The following AKAP6 variants were observed in gnomAD, a reference collection of about 807,000 sequenced individuals.
AKAP6 encodes the protein A-kinase anchor protein 6.
AKAP6 carries 58 observed loss-of-function variants against 188.5 expected under a neutral mutation model. The observed-to-expected ratio is 0.31, with a 90% CI of 0.25 to 0.38. The LOEUF (loss-of-function observed/expected upper bound fraction) is 0.38, where lower values mean the gene tolerates loss of function less well. Ranked by LOEUF, AKAP6 falls within the 10% of genes least tolerant of loss-of-function variation. The pLI is 1.00. For missense variants in AKAP6, 2,710 were observed against 2,740.0 expected (o/e 0.99, Z 0.24); for synonymous variants, 989 against 998.6 (o/e 0.99, Z 0.18).
At chr14:32,558,717 A>T (rs1281214078) in intron 4 of AKAP6, among the ~76,000 whole-genome samples, 2 of 152,232 alleles carry the variant, frequency 1.3e-5, no homozygotes, top group Non-Finnish European at 2.9e-5. Flanking sequence ...TCGAGGGAAG[A>T]TAGAGGTCGT....
rs551963200 is a variant in AKAP6, at chr14:32,352,323, G to C, written c.-35+22915G>C. Among the ~76,000 whole-genome samples the C allele has an allele frequency of 1.8e-4, 27 of 151,522 alleles. 1 individual carries two copies. In the South Asian group the frequency reaches 5.4e-3, roughly 31 times the overall value. ...TATACATATTTGGGGGGTACAGTGT[G>C]ATGTTTCCGTACAAGTATGTATTTT... is the stretch of plus-strand genomic sequence containing the variant. On this transcript the variant is annotated intron_variant, in intron 1 of 13. Coordinates refer to ENST00000280979, the MANE Select transcript of AKAP6 (RefSeq NM_004274.5).
chr14:32,553,071 G>A (rs1038218769), intron 4 of AKAP6, among the ~76,000 whole-genome samples: 1 of 152,090 alleles, frequency 6.6e-6, no homozygotes. Context: ...GTAGGTTCCT[G>A]TCAGTCCCCA....
intron 12 of AKAP6, among the ~76,000 whole-genome samples, chr14:32,799,601 A>C (rs80095574): frequency 0.052 from 7,884 of 152,066 alleles, 299 homozygotes; most frequent in South Asian, 0.21. Flanking sequence ...TTTATTTCTC[A>C]ATATTTGGGA....
At chr14:32,618,300 G>C (rs528724899) in intron 7 of AKAP6, among the ~76,000 whole-genome samples, 1 of 152,218 alleles carries the variant, frequency 6.6e-6, no homozygotes, top group South Asian at 2.1e-4. Flanking sequence ...CACCAGAGTA[G>C]TATACATTGT....
At chr14:32,610,927 T>G (rs1426892448) in intron 7 of AKAP6, among the ~76,000 whole-genome samples, 1 of 152,194 alleles carries the variant, frequency 6.6e-6, no homozygotes, top group Non-Finnish European at 1.5e-5. Flanking sequence ...GTTTTACTGG[T>G]GTGCCCTGTG....
intron 2 of AKAP6, among the ~76,000 whole-genome samples, chr14:32,531,395 A>C (rs188610118): frequency 8.7e-4 from 133 of 152,318 alleles, no homozygotes; most frequent in African/African-American, 3.2e-3. Flanking sequence ...GACTTTAAAG[A>C]GTTGTGCTTT....
chr14:32,748,396 C>T (rs78562227), intron 11 of AKAP6, among the ~76,000 whole-genome samples: 2,521 of 152,136 alleles, frequency 0.017, 64 homozygotes, highest in African/African-American at 0.057. Context: ...TTAAATGAGA[C>T]AATATATAAA....
At chr14:32,761,675 T>A (rs1433099038) in intron 11 of AKAP6, among the ~76,000 whole-genome samples, 1 of 152,180 alleles carries the variant, frequency 6.6e-6, no homozygotes, top group Non-Finnish European at 1.5e-5. Context: ...TGTGTTCTCT[T>A]GCTTTCTTTC....
chr14:32,561,853 G>A (rs757495497), intron 4 of AKAP6, among the ~76,000 whole-genome samples: 9 of 152,216 alleles, frequency 5.9e-5, no homozygotes, highest in Non-Finnish European at 5.9e-5. Context: ...CATTTGCCTT[G>A]GCAGACTTGT....
rs141157896 is a variant in AKAP6 at position 32,785,228 on chromosome 14, T to A, written c.3588+11335T>A. Among the ~76,000 whole-genome samples the A allele has an allele frequency of 4.6e-3, 693 of 152,154 alleles. 6 individuals are homozygous for A. Among genetic ancestry groups the A allele is most frequent in the African/African-American group, 0.015 (626 of 41,540 alleles). ...AAAGAGTTGGATTCATCAGAAGAAA[T>A]ACATGAATAGAATTAACTATTGGTA... is the stretch of plus-strand genomic sequence containing the variant. On this transcript the variant is annotated intron_variant, in intron 12 of 13. Coordinates refer to ENST00000280979, the MANE Select transcript of AKAP6 (RefSeq NM_004274.5).
chr14:32,411,454 C>T (rs895101517), intron 1 of AKAP6, among the ~76,000 whole-genome samples: 2 of 152,092 alleles, frequency 1.3e-5, no homozygotes, highest in African/African-American at 2.4e-5. Context: ...TAAGGTGTCC[C>T]TGCCTTCAAC....
chr14:32,815,193 A>G (rs1320995914), intron 12 of AKAP6, among the ~76,000 whole-genome samples: 1 of 152,180 alleles, frequency 6.6e-6, no homozygotes, highest in Non-Finnish European at 1.5e-5. Context: ...TACTGATTTT[A>G]GTGAGATTTG....
chr14:32,631,401 AT>A (rs1357473706), intron 7 of AKAP6, among the ~76,000 whole-genome samples: 6 of 152,030 alleles, frequency 3.9e-5, no homozygotes, highest in African/African-American at 7.2e-5. Context: ...TCCTGATTGG[AT>A]TTCATGATTG....
In AKAP6 at chr14:32,453,595, T is replaced by C. The variant is rs1289368278; in HGVS notation, c.324+19778T>C. Among the ~76,000 whole-genome samples the C allele has an allele frequency of 9.0e-4, 54 of 59,950 alleles. 1 individual carries two copies. Among genetic ancestry groups the C allele is most frequent in the Admixed American group, 3.3e-3 (19 of 5,680 alleles). 39.3% of individuals were successfully genotyped at this position (59,950 alleles called of 152,430 possible). A position where few individuals can be genotyped will look rare whatever the true frequency, so the allele number is the denominator to read the frequency against. ...CTTTTCTTTTTTTTTTTTTTTTTTT[T>C]TTTTTTTTTTTTTTTTTTTGAGACG... On this transcript the variant is annotated intron_variant, in intron 2 of 13. Transcript: ENST00000280979.
chr14:32,528,230 G>GT (rs1882227583), intron 2 of AKAP6, among the ~76,000 whole-genome samples: 1 of 151,992 alleles, frequency 6.6e-6, no homozygotes, highest in Non-Finnish European at 1.5e-5. Flanking sequence ...TCTCTATTGT[G>GT]TTGCCTTTGC....
At chr14:32,695,918 A>T in intron 8 of AKAP6, 72 bp from the exon 9 acceptor site, 1 of 1,488,464 alleles carries the variant, frequency 6.7e-7, no homozygotes, top group Non-Finnish European at 9.0e-7. Context: ...TTTCAAGAAT[A>T]TATTATTCTA....
chr14:32,512,651 G>A (rs930796425), intron 2 of AKAP6, among the ~76,000 whole-genome samples: 4 of 152,160 alleles, frequency 2.6e-5, no homozygotes, highest in African/African-American at 9.7e-5. Flanking sequence ...GGCAATGAGG[G>A]TGGATTTAAA....
intron 7 of AKAP6, among the ~76,000 whole-genome samples, chr14:32,623,948 C>A (rs1386729519): frequency 6.6e-6 from 1 of 151,996 alleles, no homozygotes; most frequent in Non-Finnish European, 1.5e-5. Context: ...GCAGAGTCAG[C>A]AAATGGGTTG....
chr14:32,741,263 GT>G (rs929421077), intron 11 of AKAP6, among the ~76,000 whole-genome samples: 13 of 151,824 alleles, frequency 8.6e-5, no homozygotes, highest in African/African-American at 3.1e-4. Context: ...GTTTGAATAG[GT>G]TTTTTAGGAG....
Sources: allele counts gnomAD v4.1 joint callset (sites outside exome capture counted in the v4.1 genomes callset), GRCh38; gene constraint gnomAD v4.1.1; transcripts MANE v1.5; gene names NCBI Gene and HGNC (gene_info 2026-07-23, HGNC 2026-07-21).